Variants in SH3PXD2B observed in about 807,000 individuals in gnomAD.
SH3PXD2B encodes the protein SH3 and PX domain-containing protein 2B.
In SH3PXD2B, 37 loss-of-function variants were observed where a neutral mutation model predicts 73.1. The observed-to-expected ratio is 0.51, with a 90% confidence interval of 0.39 to 0.67. SH3PXD2B has a LOEUF of 0.67. Among genes scored for constraint, SH3PXD2B ranks in the 30% least tolerant of loss-of-function variants. SH3PXD2B has a pLI of 0.00. For synonymous variants in SH3PXD2B, 457 were observed against 480.5 expected (o/e 0.95, Z 0.64); for missense variants, 1,053 against 1,197.8 (o/e 0.88, Z 1.78).
chr5:172,383,909 C>T (rs1758002167), intron 4 of SH3PXD2B, among the ~76,000 whole-genome samples: 1 of 151,092 alleles, frequency 6.6e-6, no homozygotes, highest in Non-Finnish European at 1.5e-5. Flanking sequence ...TGCTGTGGTG[C>T]TATCTTAGCA....
intron 1 of SH3PXD2B, among the ~76,000 whole-genome samples, chr5:172,450,135 T>A (rs1418303628): frequency 6.6e-6 from 1 of 152,200 alleles, no homozygotes; most frequent in Non-Finnish European, 1.5e-5. Flanking sequence ...TGGTGACGGT[T>A]GCATAGCTCT....
intron 3 of SH3PXD2B, among the ~76,000 whole-genome samples, chr5:172,402,971 G>T (rs1340879273): frequency 6.6e-6 from 1 of 152,260 alleles, no homozygotes; most frequent in Non-Finnish European, 1.5e-5. Context: ...CCTGGCTGTG[G>T]GGCAGAACCG....
In SH3PXD2B at chr5:172,339,789, G is replaced by A. The variant is rs1756811637; in HGVS notation, c.1316C>T (p.Pro439Leu). ...GAGCTGGGTCACCTCGTGGGGCAGG[G>A]GAGCCAGAAAGTTGGGTCTCGACGC... is the stretch of plus-strand genomic sequence containing the variant. ...SNASRPNFLA[P>L]LPHEVTQLRL... is the part of the protein sequence containing the mutation. The change falls in exon 13 of 13, where the codon CCC (proline) becomes CTC (leucine). Residue 439 changes from proline (P) to leucine (L), a missense_variant. Physicochemically the swap from Pro to Leu is moderately conservative, Grantham distance 98 (BLOSUM62 -3). Transcript: ENST00000311601. The surrounding 1 kb of genome is among the most constrained non-coding windows in gnomAD (Gnocchi z 6.1). The A allele has an allele frequency of 6.2e-7, 1 of 1,613,170 alleles. No individual in the cohort carries two copies. Among genetic ancestry groups the A allele is most frequent in the South Asian group, 1.1e-5 (1 of 91,088 alleles).
chr5:172,408,173 T>C (rs901089387), intron 2 of SH3PXD2B, among the ~76,000 whole-genome samples: 3 of 152,210 alleles, frequency 2.0e-5, no homozygotes, highest in African/African-American at 4.8e-5. Flanking sequence ...TTCTCTCTTT[T>C]TTCCCTTGGT....
chr5:172,391,119 C>A (rs1758181711), intron 4 of SH3PXD2B, among the ~76,000 whole-genome samples: 1 of 152,062 alleles, frequency 6.6e-6, no homozygotes, highest in Non-Finnish European at 1.5e-5. Context: ...GGGATTACAG[C>A]CGTGAGCCAC....
intron 6 of SH3PXD2B, among the ~76,000 whole-genome samples, chr5:172,367,242 T>C (rs1313709291): frequency 6.8e-6 from 1 of 146,548 alleles, no homozygotes. Flanking sequence ...CCGGCTGCCA[T>C]CTGTTTTCAA....
rs140313284 is a variant in SH3PXD2B, at chr5:172,438,725, G to C, written c.75+15553C>G. 8.5e-5 allele frequency among the ~76,000 whole-genome samples: 13 copies of C among 152,184 alleles called. No homozygotes were observed. The East Asian group carries it at 2.3e-3, about 27-fold the overall frequency. ...ACCCAGGAGTGATTTAAACTCCAGG[G>C]GGAATGCCTCATCCCACTGTATGTC... On this transcript the variant is annotated intron_variant, in intron 1 of 12. Coordinates refer to ENST00000311601, the MANE Select transcript of SH3PXD2B (RefSeq NM_001017995.3).
chr5:172,356,974 T>C (rs1757291770), intron 8 of SH3PXD2B, among the ~76,000 whole-genome samples: 1 of 151,934 alleles, frequency 6.6e-6, no homozygotes, highest in Admixed American at 6.6e-5. Flanking sequence ...AGGCTTCTAG[T>C]AGACATAATT....
intron 8 of SH3PXD2B, chr5:172,356,660 C>G (rs902102540): frequency 7.9e-5 from 12 of 152,266 alleles, no homozygotes; most frequent in African/African-American, 2.2e-4. Flanking sequence ...GTCCAAACAC[C>G]AAACGGGGAA....
intron 1 of SH3PXD2B, 91 bp downstream of exon 1, chr5:172,454,187 G>A (rs1389731920): frequency 2.7e-6 from 3 of 1,103,968 alleles, no homozygotes; most frequent in Non-Finnish European, 3.9e-6. Context: ...GACGGGAAGC[G>A]CTGGAGGCAG....
Position 172,334,297 on chromosome 5 carries a change from G to A in SH3PXD2B, c.*4072C>T, listed in dbSNP as rs1476638542. On this transcript the variant is annotated 3_prime_UTR_variant, in exon 13 of 13. Transcript: ENST00000311601. The stretch of plus-strand genomic sequence containing the variant: ...AAGGACTGTGGAGCCTCCGGTTCCA[G>A]CTCTGCAGCTCTGCCTGGGACCCTC... The A allele has an allele frequency of 1.0e-6, 1 of 999,120 alleles. No individual in the cohort carries two copies. The highest frequency in any genetic ancestry group is 1.2e-6 in the Non-Finnish European group (1 of 840,372). The allele number at this position is 999,120 out of a possible 1,614,324, so 61.9% of individuals were successfully genotyped here.
rs775684253 is a variant in SH3PXD2B, at chr5:172,338,571, G to T, written c.2534C>A (p.Pro845His). ...NREKAAAASV[P>H]NADGLKDSLY... ...AGAGTCCTTCAGGCCGTCGGCATTG[G>T]GGACAGAGGCTGCAGCTGCTTTCTC... is the stretch of plus-strand genomic sequence containing the variant. Residue 845 changes from proline (P) to histidine (H), a missense_variant, in exon 13 of 13, where the codon CCC (proline) becomes CAC (histidine). Around this residue, in one of 2 missense-constraint regions of SH3PXD2B, gnomAD observed 587 missense variants for 590.7 expected, o/e 0.99. Coordinates refer to ENST00000311601, the MANE Select transcript of SH3PXD2B (RefSeq NM_001017995.3). This position sits in a 1 kb window ranked among gnomAD's most constrained non-coding sequence, Gnocchi z 5.1. 2 of 1,614,156 alleles carry T rather than the reference G, an allele frequency of 1.2e-6. No individual in the cohort carries two copies. The highest frequency in any genetic ancestry group is 1.7e-6 in the Non-Finnish European group (2 of 1,179,994).
At chr5:172,400,148 C>T (rs13357091) in intron 3 of SH3PXD2B, among the ~76,000 whole-genome samples, 9,368 of 152,272 alleles carry the variant, frequency 0.062, 433 homozygotes, top group African/African-American at 0.14. Context: ...TCCCTTTCTC[C>T]TTTGAAACAA....
chr5:172,432,195 C>T (rs78521826), intron 1 of SH3PXD2B, among the ~76,000 whole-genome samples: 4,124 of 152,102 alleles, frequency 0.027, 193 homozygotes, highest in African/African-American at 0.095. Context: ...AAATAAACAA[C>T]CTTATTTAAT....
chr5:172,367,360 C>A (rs966279647), intron 6 of SH3PXD2B, among the ~76,000 whole-genome samples: 3 of 150,754 alleles, frequency 2.0e-5, no homozygotes, highest in Non-Finnish European at 4.4e-5. Context: ...CTGTGGCCTA[C>A]AGGGCCCTGT....
downstream of SH3PXD2B, among the ~76,000 whole-genome samples, chr5:172,330,599 A>T (rs1449517837): frequency 6.6e-6 from 1 of 152,246 alleles, no homozygotes; most frequent in East Asian, 1.9e-4. Context: ...GACTTTAAAC[A>T]GCAGTTCTCA....
chr5:172,334,118 T>C lies in SH3PXD2B; in HGVS notation c.*4251A>G, dbSNP rs1756631820. 1.3e-5 allele frequency: 15 copies of C among 1,115,242 alleles called. No individual in the cohort carries two copies. Among genetic ancestry groups the C allele is most frequent in the Non-Finnish European group, 1.6e-5 (15 of 909,550 alleles). The allele number at this position is 1,115,242 out of a possible 1,614,324, so 69.1% of individuals were successfully genotyped here. ...CTGATTGGAGCTAAGAAGGCTTACT[T>C]TGGAGTCGAGGATAGAAACGGGAAG... On this transcript the variant is annotated 3_prime_UTR_variant, in exon 13 of 13. Transcript: ENST00000311601.
chr5:172,332,280 G>C (rs1756572201), downstream of SH3PXD2B, among the ~76,000 whole-genome samples: 1 of 138,976 alleles, frequency 7.2e-6, no homozygotes, highest in African/African-American at 2.7e-5. Flanking sequence ...TTGCGACACA[G>C]TCTTGCTCTG....
chr5:172,366,758 G>A (rs1329411350), intron 6 of SH3PXD2B, among the ~76,000 whole-genome samples: 1 of 151,614 alleles, frequency 6.6e-6, no homozygotes, highest in Non-Finnish European at 1.5e-5. Context: ...TCAGCCTCCT[G>A]AGTAGCTGGG....
Sources: gnomAD v4.1 joint callset for allele counts (sites outside exome capture counted in the v4.1 genomes callset) on GRCh38, gnomAD v4.1.1 for gene constraint, gnomAD v4.1.1 regional missense constraint, Gnocchi (gnomAD v3.1) non-coding constraint, MANE v1.5 for transcripts, NCBI Gene and HGNC (gene_info 2026-07-23, HGNC 2026-07-21) for gene names.